ZBTB49: variants seen among roughly 807,000 people sequenced by gnomAD.
ZBTB49 encodes the protein zinc finger and BTB domain-containing protein 49.
ZBTB49 carries 43 observed loss-of-function variants against 57.5 expected under a neutral mutation model. The observed-to-expected ratio is 0.75, with a 90% CI of 0.59 to 0.97. The LOEUF is 0.97. Ranked by LOEUF, ZBTB49 falls within the 50% of genes least tolerant of loss-of-function variation. The pLI, the probability that ZBTB49 is intolerant of heterozygous loss-of-function variation, is 0.00. For synonymous variants in ZBTB49, 369 were observed against 362.1 expected (o/e 1.02, Z -0.22); for missense variants, 938 against 947.7 (o/e 0.99, Z 0.13).
chr4:4,320,875 A>G lies in ZBTB49; in HGVS notation c.1857A>G (p.Gln619=). The change falls in exon 8 of 8, where the codon CAA becomes CAG. Residue 619 remains glutamine, a synonymous_variant. Transcript: ENST00000337872. The part of the protein sequence containing the change: ...EKSQSSDSFS[Q]DTSVTLMPVS... ...CTCAGAGCTCAGACTCTTTCTCCCA[A>G]GACACGTCTGTGACGCTGATGCCAG... The G allele has an allele frequency of 6.2e-7, 1 of 1,614,154 alleles. No homozygotes were observed. The highest frequency in any genetic ancestry group is 8.5e-7 in the Non-Finnish European group (1 of 1,180,014).
In ZBTB49 at chr4:4,302,182, T is replaced by G. The variant is rs1420168240; in HGVS notation, c.346T>G (p.Phe116Val). 1.2e-6 allele frequency: 2 copies of G among 1,614,136 alleles called. No individual in the cohort carries two copies. Among genetic ancestry groups the G allele is most frequent in the Admixed American group, 3.3e-5 (2 of 60,004 alleles). Residue 116 changes from phenylalanine (F) to valine (V), a missense_variant, in exon 3 of 8, where the codon TTT becomes GTT. Phe to Val is a conservative substitution (Grantham distance 50). This residue lies in a region of ZBTB49 where 835 missense variants were observed against 819.1 expected (regional missense o/e 1.02). Coordinates refer to ENST00000337872, the MANE Select transcript of ZBTB49 (RefSeq NM_145291.4). ...VQNVLSLCHTFLKSATVVQPP... is the reference protein window; with the variant it reads ...VQNVLSLCHTVLKSATVVQPP... ...AAATGTTCTGAGTCTGTGTCACACA[T>G]TTTTAAAATCAGCCACTGTAGTACA...
chr4:4,303,749 T>G, intron 3 of ZBTB49, among the ~76,000 whole-genome samples: 1 of 48,268 alleles, frequency 2.1e-5, no homozygotes, highest in South Asian at 5.6e-4. Context: ...TCTCTCTCTC[T>G]CTCTCTCTCT....
In ZBTB49 at chr4:4,302,282, G is replaced by T. The variant is rs774085749; in HGVS notation, c.446G>T (p.Ser149Ile). 8 of 1,614,122 alleles carry T rather than the reference G, an allele frequency of 5.0e-6. No individual in the cohort carries two copies. In the South Asian group the frequency reaches 8.8e-5, roughly 18 times the overall value. Residue 149 changes from serine (S) to isoleucine (I), a missense_variant, in exon 3 of 8, where the codon AGT (serine) becomes ATT (isoleucine). Ser to Ile is a moderately radical substitution (Grantham distance 142, BLOSUM62 -2). This residue lies in a region of ZBTB49 where 835 missense variants were observed against 819.1 expected (regional missense o/e 1.02). Transcript: ENST00000337872. ...TLTPDATCVI[S>I]ENYPPHLLQE... is the part of the protein sequence containing the mutation. ...ACCCCAGATGCCACTTGTGTTATCAGTGAAAACTACCCCCCTCATTTACTG... is the reference window on the plus strand; with the variant it reads ...ACCCCAGATGCCACTTGTGTTATCATTGAAAACTACCCCCCTCATTTACTG...
Position 4,317,768 on chromosome 4 carries a change from T to C in ZBTB49, c.1621+1798T>C, listed in dbSNP as rs76161880. Among the ~76,000 whole-genome samples, 1,137 of 152,300 alleles carry C rather than the reference T, an allele frequency of 7.5e-3. 17 individuals carry two copies. The highest frequency in any genetic ancestry group is 0.025 in the African/African-American group (1,054 of 41,564). ...AGGCTCGTGTGCTCTCGCTGTCTTA[T>C]GCGTGCTGGGCTTCGTAGTTCTCAA... On this transcript the variant is annotated intron_variant, in intron 7 of 7. Transcript: ENST00000337872.
intron 3 of ZBTB49, among the ~76,000 whole-genome samples, chr4:4,305,412 C>G (rs759101121): frequency 6.6e-6 from 1 of 152,044 alleles, no homozygotes; most frequent in African/African-American, 2.4e-5. Context: ...TATTCATTAG[C>G]GTTATATAGA....
At chr4:4,295,786 C>T (rs556545037) in intron 1 of ZBTB49, among the ~76,000 whole-genome samples, 4 of 152,066 alleles carry the variant, frequency 2.6e-5, no homozygotes, top group Non-Finnish European at 5.9e-5. Context: ...TGCCAATACC[C>T]CAAACCCTAC....
chr4:4,310,576 C>T (rs1720945469), intron 4 of ZBTB49, among the ~76,000 whole-genome samples: 1 of 147,452 alleles, frequency 6.8e-6, no homozygotes, highest in African/African-American at 2.5e-5. Flanking sequence ...GTGGCATGAT[C>T]TCGGCTCACT....
intron 4 of ZBTB49, among the ~76,000 whole-genome samples, chr4:4,308,682 A>G (rs537915947): frequency 4.1e-4 from 62 of 152,344 alleles, no homozygotes; most frequent in Non-Finnish European, 7.9e-4. Context: ...TGTGCTGTCC[A>G]TGAGCTCTGC....
rs769244640 is a variant in ZBTB49 at position 4,303,044 on chromosome 4, C to G, written c.1208C>G (p.Pro403Arg). 1 of 1,612,400 alleles carries G rather than the reference C, an allele frequency of 6.2e-7. No individual in the cohort carries two copies. Among genetic ancestry groups the G allele is most frequent in the South Asian group, 1.1e-5 (1 of 90,778 alleles). The change falls in exon 3 of 8, where the codon CCT (proline) becomes CGT (arginine). Residue 403 changes from proline (P) to arginine (R), a missense_variant. Pro to Arg is a moderately radical substitution (Grantham distance 103, BLOSUM62 -2). Transcript: ENST00000337872. Reference protein sequence around the residue: ...RQYACELCGKPFKHPSNLELH... With the variant: ...RQYACELCGKRFKHPSNLELH... ...TACGCGTGTGAATTATGCGGGAAAC[C>G]TTTTAAACACCCAAGCAACTTGGAG...
chr4:4,309,737 C>G (rs897401643), intron 4 of ZBTB49, among the ~76,000 whole-genome samples: 1 of 152,180 alleles, frequency 6.6e-6, no homozygotes, highest in African/African-American at 2.4e-5. Context: ...GTGACAGTGT[C>G]AGCCATCCAT....
At chr4:4,320,165 T>C (rs1330056184) in intron 7 of ZBTB49, among the ~76,000 whole-genome samples, 2 of 152,246 alleles carry the variant, frequency 1.3e-5, no homozygotes, top group African/African-American at 4.8e-5. Flanking sequence ...TGAGGAGAGC[T>C]GTGGTTTCTC....
At position 4,321,449 on chromosome 4, in the gene ZBTB49, T is replaced by TG; in HGVS notation, c.*135dup. On this transcript the variant is annotated 3_prime_UTR_variant, in exon 8 of 8. Coordinates refer to ENST00000337872, the MANE Select transcript of ZBTB49 (RefSeq NM_145291.4). ...GAATAGGTAGCTTCCCTCCTGATGA[T>TG]GGCTCATAATCTGAAGCATCTTGAG... 2.1e-6 allele frequency: 2 copies of TG among 954,992 alleles called. No individual in the cohort carries two copies. Among genetic ancestry groups the TG allele is most frequent in the Non-Finnish European group, 3.1e-6 (2 of 646,346 alleles). The allele number at this position is 954,992 out of a possible 1,614,324, so 59.2% of individuals were successfully genotyped here.
intron 4 of ZBTB49, among the ~76,000 whole-genome samples, chr4:4,310,676 A>ATTT (rs33978308): frequency 7.2e-6 from 1 of 139,512 alleles, no homozygotes; most frequent in African/African-American, 2.7e-5. Context: ...TGCCTGGCTA[A>ATTT]TTTTTTTTTT....
Position 4,306,196 on chromosome 4 carries a change from C to CT in ZBTB49, c.1302+14dup. ...AACATTTCTCTCAGGTGGGAATACT[C>CT]TTATTTATTGTTAATAATTGGAAAC... On this transcript the variant is annotated intron_variant, in intron 4 of 7. Transcript: ENST00000337872. 1.9e-6 allele frequency: 3 copies of CT among 1,609,240 alleles called. No homozygotes were observed. Among genetic ancestry groups the CT allele is most frequent in the South Asian group, 2.2e-5 (2 of 90,680 alleles).
At chr4:4,304,050 A>T (rs1472969527) in intron 3 of ZBTB49, among the ~76,000 whole-genome samples, 2 of 152,032 alleles carry the variant, frequency 1.3e-5, no homozygotes, top group African/African-American at 4.8e-5. Context: ...GATTTCTTTG[A>T]TAATTGTGAA....
chr4:4,313,539 C>G (rs1721066213), intron 5 of ZBTB49, among the ~76,000 whole-genome samples: 1 of 152,140 alleles, frequency 6.6e-6, no homozygotes, highest in South Asian at 2.1e-4. Context: ...AGCCGTGGGT[C>G]TGTAACAGCC....
chr4:4,292,299 ACT>A (rs750238474), intron 1 of ZBTB49, among the ~76,000 whole-genome samples: 9 of 152,092 alleles, frequency 5.9e-5, no homozygotes, highest in Non-Finnish European at 1.3e-4. Flanking sequence ...ATAAAAAATA[ACT>A]CTGGTACAGT....
chr4:4,291,290 C>CACG (rs1719895406), intron 1 of ZBTB49, among the ~76,000 whole-genome samples: 1 of 152,214 alleles, frequency 6.6e-6, no homozygotes, highest in South Asian at 2.1e-4. Flanking sequence ...CCTTGGCTTG[C>CACG]ACGTGGCTGC....
intron 7 of ZBTB49, among the ~76,000 whole-genome samples, chr4:4,316,433 C>G (rs939254623): frequency 1.3e-5 from 2 of 152,160 alleles, no homozygotes; most frequent in Non-Finnish European, 2.9e-5. Context: ...AGCTGGCAGC[C>G]CTCGGTTTCA....
Sources: allele counts gnomAD v4.1 joint callset (sites outside exome capture counted in the v4.1 genomes callset), GRCh38; gene constraint gnomAD v4.1.1; regional missense constraint gnomAD v4.1.1; transcripts MANE v1.5; gene names NCBI Gene and HGNC (gene_info 2026-07-23, HGNC 2026-07-21).